The following CRLF2 variants were observed in gnomAD, a reference collection of about 807,000 sequenced individuals.
CRLF2 encodes the protein cytokine receptor-like factor 2.
CRLF2 carries 41 observed loss-of-function variants against 38.7 expected under a neutral mutation model. That is an observed-to-expected ratio of 1.06 (90% confidence interval 0.83 to 1.37). The LOEUF (loss-of-function observed/expected upper bound fraction) is 1.37, where lower values mean the gene tolerates loss of function less well. Ranked by LOEUF, CRLF2 falls within the 40% of genes most tolerant of loss-of-function variation. The pLI is 0.00. For missense variants in CRLF2, 377 were observed against 322.2 expected (o/e 1.17, Z -1.30); for synonymous variants, 140 against 128.8 (o/e 1.09, Z -0.59).
At chrX:1,192,789 T>G (rs2086416469) in intron 7 of CRLF2, among the ~76,000 whole-genome samples, 2 of 145,654 alleles carry the variant, frequency 1.4e-5, no homozygotes, top group African/African-American at 2.5e-5. Context: ...CTCTCCCCCT[T>G]TCCTCCCTCC....
At chrX:1,206,807 T>A (rs1442605637) in intron 2 of CRLF2, among the ~76,000 whole-genome samples, 2 of 151,224 alleles carry the variant, frequency 1.3e-5, no homozygotes, top group Non-Finnish European at 2.9e-5. Flanking sequence ...CATATACAGC[T>A]AATTTTTGTA....
At chrX:1,207,077 C>G (rs1354237902) in intron 2 of CRLF2, among the ~76,000 whole-genome samples, 1 of 150,732 alleles carries the variant, frequency 6.6e-6, no homozygotes, top group African/African-American at 2.4e-5. Flanking sequence ...TCCTGAGTAG[C>G]TGGGATTACG....
chrX:1,206,089 C>G (rs1444870026), intron 3 of CRLF2, among the ~76,000 whole-genome samples: 1 of 151,852 alleles, frequency 6.6e-6, no homozygotes, highest in South Asian at 2.1e-4. Flanking sequence ...TAGTGAAAAG[C>G]GTGCTGAGCT....
At chrX:1,192,642 T>C in intron 7 of CRLF2, among the ~76,000 whole-genome samples, 1 of 151,532 alleles carries the variant, frequency 6.6e-6, no homozygotes, top group East Asian at 1.9e-4. Context: ...CTTTCTTCCT[T>C]TTCTTTTTTT....
At chrX:1,206,140 AC>A (rs1258885306) in intron 3 of CRLF2, among the ~76,000 whole-genome samples, 29 of 151,870 alleles carry the variant, frequency 1.9e-4, no homozygotes, top group Non-Finnish European at 3.4e-4. Context: ...CCGACGATTT[AC>A]GTGAGCTTTT....
intron 5 of CRLF2, 150 bp downstream of exon 5, chrX:1,198,412 C>A: frequency 3.1e-6 from 1 of 322,780 alleles, no homozygotes; most frequent in Non-Finnish European, 6.1e-6. Flanking sequence ...AGGCAGGACA[C>A]CCTCCCTCCC....
intron 5 of CRLF2, among the ~76,000 whole-genome samples, chrX:1,197,395 C>T (rs754647377): frequency 4.6e-5 from 7 of 151,884 alleles, no homozygotes; most frequent in African/African-American, 1.7e-4. Context: ...CACAGCCACC[C>T]CGAGGAAGTA....
intron 1 of CRLF2, among the ~76,000 whole-genome samples, chrX:1,210,083 G>A: frequency 7.1e-6 from 1 of 139,976 alleles, no homozygotes; most frequent in Admixed American, 7.5e-5. Context: ...CAGCCTGGGT[G>A]ACACAGCAAG....
chrX:1,198,801 C>G, intron 4 of CRLF2, 77 bp from the exon 5 acceptor site: 1 of 1,346,290 alleles, frequency 7.4e-7, no homozygotes, highest in Non-Finnish European at 1.0e-6. Context: ...GTGATGTAAC[C>G]TGTCTGTCCA....
In CRLF2 at chrX:1,212,280, A is replaced by G. The variant is rs775435661; in HGVS notation, c.79+276T>C. 4.6e-5 allele frequency among the ~76,000 whole-genome samples: 7 copies of G among 151,946 alleles called. No individual in the cohort carries two copies. In the South Asian group the frequency reaches 1.5e-3, roughly 32 times the overall value. On this transcript the variant is annotated intron_variant, in intron 1 of 7. Transcript: ENST00000400841. The stretch of plus-strand genomic sequence containing the variant: ...ACACACACGCACACATACAGTTCCT[A>G]GTTCTGGCCACCGAAAGCTCATATA...
intron 3 of CRLF2, among the ~76,000 whole-genome samples, chrX:1,205,520 G>A (rs34332476): frequency 6.6e-6 from 1 of 151,360 alleles, no homozygotes; most frequent in African/African-American, 2.4e-5. Flanking sequence ...CGCGACTTGC[G>A]AGAGCTTGCT....
chrX:1,208,541 G>C (rs1377795384), intron 2 of CRLF2, among the ~76,000 whole-genome samples: 3 of 152,096 alleles, frequency 2.0e-5, no homozygotes, highest in African/African-American at 7.2e-5. Flanking sequence ...CGTGGCAACG[G>C]AGTGAGACTC....
At chrX:1,206,714 C>T (rs1310883401) in intron 2 of CRLF2, 115 bp from the exon 3 acceptor site, 8 of 921,398 alleles carry the variant, frequency 8.7e-6, no homozygotes, top group Non-Finnish European at 1.4e-5. Context: ...GCGATCTCAG[C>T]TCACTGCAAC....
At chrX:1,210,805 G>C (rs1361488604) in intron 1 of CRLF2, among the ~76,000 whole-genome samples, 3 of 152,198 alleles carry the variant, frequency 2.0e-5, no homozygotes, top group Non-Finnish European at 4.4e-5. Context: ...GATAGATAGG[G>C]ATGGGTAGGT....
intron 4 of CRLF2, 88 bp downstream of exon 4, chrX:1,202,314 G>A: frequency 6.8e-7 from 1 of 1,474,934 alleles, no homozygotes; most frequent in South Asian, 1.2e-5. Context: ...ACAGAGGGGA[G>A]CGAGGTCTGA....
chrX:1,201,662 C>G (rs1471263752), intron 4 of CRLF2, among the ~76,000 whole-genome samples: 3,768 of 137,262 alleles, frequency 0.027, 149 homozygotes, highest in African/African-American at 0.1. Flanking sequence ...GATAGAGAGA[C>G]AGACAGACAG....
intron 5 of CRLF2, among the ~76,000 whole-genome samples, chrX:1,198,214 T>C (rs1603395680): frequency 1.3e-5 from 1 of 76,276 alleles, no homozygotes; most frequent in Non-Finnish European, 2.4e-5. Context: ...CCCTCCCACC[T>C]CGAAGGCAGG....
At chrX:1,202,984 G>C (rs1399646432) in intron 3 of CRLF2, among the ~76,000 whole-genome samples, 2 of 150,630 alleles carry the variant, frequency 1.3e-5, no homozygotes, top group Non-Finnish European at 2.9e-5. Context: ...TGTAATCCCA[G>C]CTATTAGTGA....
intron 6 of CRLF2, among the ~76,000 whole-genome samples, chrX:1,195,011 G>A (rs2086452941): frequency 6.6e-6 from 1 of 151,886 alleles, no homozygotes; most frequent in Non-Finnish European, 1.5e-5. Flanking sequence ...CAGCCTGGGT[G>A]ACAGAGTGAG....
Sources: gnomAD v4.1 joint callset for allele counts (sites outside exome capture counted in the v4.1 genomes callset) on GRCh38, gnomAD v4.1.1 for gene constraint, MANE v1.5 for transcripts, NCBI Gene and HGNC (gene_info 2026-07-23, HGNC 2026-07-21) for gene names.